DERA: variants seen among roughly 807,000 people sequenced by gnomAD.
DERA encodes the protein deoxyribose-phosphate aldolase, also known as 2-deoxy-D-ribose 5-phosphate aldolase.
DERA carries 15 observed loss-of-function variants against 41.1 expected under a neutral mutation model. That is an observed-to-expected ratio of 0.37 (90% CI 0.24 to 0.56). DERA has a LOEUF of 0.56. Among genes scored for constraint, DERA ranks in the 20% least tolerant of loss-of-function variants. The pLI, the probability that DERA is intolerant of heterozygous loss-of-function variation, is 0.81. For missense variants in DERA, 396 were observed against 403.4 expected, an observed-to-expected ratio of 0.98 and a Z score of 0.16; for synonymous variants, 139 against 137.4, an observed-to-expected ratio of 1.01 and a Z score of -0.08.
At chr12:15,955,007 A>C (rs561233000) in intron 1 of DERA, among the ~76,000 whole-genome samples, 21 of 152,164 alleles carry the variant, frequency 1.4e-4, no homozygotes, top group African/African-American at 5.1e-4. Context: ...GAAAAAAAAA[A>C]AGCCTCTTAG....
chr12:15,929,030 T>G (rs574942546), intron 1 of DERA, among the ~76,000 whole-genome samples: 1 of 152,288 alleles, frequency 6.6e-6, no homozygotes, highest in African/African-American at 2.4e-5. Flanking sequence ...CTCAGCCACG[T>G]GACTTCTTCC....
intron 1 of DERA, among the ~76,000 whole-genome samples, chr12:15,948,772 A>C (rs1393459696): frequency 2.6e-5 from 4 of 151,988 alleles, no homozygotes; most frequent in African/African-American, 9.7e-5. Flanking sequence ...GGGGAGAGGC[A>C]CTCTGATTTT....
intron 6 of DERA, among the ~76,000 whole-genome samples, chr12:16,002,872 C>A (rs1362632891): frequency 2.0e-5 from 3 of 152,288 alleles, no homozygotes; most frequent in African/African-American, 7.2e-5. Flanking sequence ...AAAATCTCCT[C>A]CCCTGCCCCA....
chr12:16,008,226 T>C lies in DERA; in HGVS notation c.638-24316T>C, dbSNP rs1356582371. On this transcript the variant is annotated intron_variant, in intron 6 of 8. Transcript: ENST00000428559. This position sits in a 1 kb window ranked among gnomAD's most constrained non-coding sequence, Gnocchi z 4.8. ...ATTGGTGTACAGATGCTTCATTCGC[T>C]AATGCCTCAGATGGTTGTTTCTCAA... Among the ~76,000 whole-genome samples, 1 of 152,258 alleles carries C rather than the reference T, an allele frequency of 6.6e-6. No homozygotes were observed. Among genetic ancestry groups the C allele is most frequent in the Non-Finnish European group, 1.5e-5 (1 of 68,032 alleles).
At chr12:15,961,669 C>T (rs1282976969) in intron 4 of DERA, among the ~76,000 whole-genome samples, 1 of 152,172 alleles carries the variant, frequency 6.6e-6, no homozygotes, top group Non-Finnish European at 1.5e-5. Context: ...TTTTCATCAG[C>T]CTCAGTCAGT....
intron 5 of DERA, among the ~76,000 whole-genome samples, chr12:15,969,153 C>T (rs1010667796): frequency 2.6e-5 from 4 of 152,168 alleles, no homozygotes; most frequent in African/African-American, 9.7e-5. Flanking sequence ...ACTCCTTAAA[C>T]AGTTCTTTGA....
rs74065540 is a variant in DERA, at chr12:15,995,379, G to A, written c.637+12943G>A. 0.023 allele frequency among the ~76,000 whole-genome samples: 3,548 copies of A among 152,260 alleles called. 168 individuals carry two copies. The highest frequency in any genetic ancestry group is 0.081 in the African/African-American group (3,382 of 41,534). On this transcript the variant is annotated intron_variant, in intron 6 of 8. Coordinates refer to ENST00000428559, the MANE Select transcript of DERA (RefSeq NM_015954.4). The surrounding 1 kb of genome is among the most constrained non-coding windows in gnomAD (Gnocchi z 5.1). ...CAGTAACTCCTTGTTGAAAAGAAAA[G>A]GTAGGGTGCCCAGAGCTAAAAGATC...
chr12:16,032,337 G>A (rs1949098145), intron 6 of DERA, among the ~76,000 whole-genome samples: 1 of 152,138 alleles, frequency 6.6e-6, no homozygotes, highest in African/African-American at 2.4e-5. Flanking sequence ...TATATTTGGT[G>A]CCTAATACAG....
At position 15,941,248 on chromosome 12, in the gene DERA, C is replaced by A. The variant is rs779365062; in HGVS notation, c.32-15688C>A. ...GGGTGTTGTGTGTTTGTGTCTCTTG[C>A]ATGATTGAGCTCAGGCCGGGGCTCA... On this transcript the variant is annotated intron_variant, in intron 1 of 8. Coordinates refer to ENST00000428559, the MANE Select transcript of DERA (RefSeq NM_015954.4). This position sits in a 1 kb window ranked among gnomAD's most constrained non-coding sequence, Gnocchi z 4.5. 3.3e-5 allele frequency among the ~76,000 whole-genome samples: 5 copies of A among 152,116 alleles called. No homozygotes were observed. The highest frequency in any genetic ancestry group is 7.4e-5 in the Non-Finnish European group (5 of 68,014).
chr12:15,960,507 AG>A (rs1350759420), intron 4 of DERA, among the ~76,000 whole-genome samples: 2 of 151,338 alleles, frequency 1.3e-5, no homozygotes, highest in Admixed American at 1.3e-4. Context: ...GCATGGTGGC[AG>A]GTGCCTGTAA....
chr12:15,950,933 T>C (rs1213034965), intron 1 of DERA, among the ~76,000 whole-genome samples: 1 of 152,252 alleles, frequency 6.6e-6, no homozygotes, highest in Non-Finnish European at 1.5e-5. Context: ...GTTGAATGAA[T>C]GAATGGTATT....
intron 6 of DERA, among the ~76,000 whole-genome samples, chr12:16,024,882 AT>A (rs1395497437): frequency 2.0e-5 from 3 of 152,334 alleles, no homozygotes; most frequent in Admixed American, 6.5e-5. Context: ...TTGAATTGTT[AT>A]ATTACCAGAT....
chr12:16,007,133 A>G (rs893965195), intron 6 of DERA, among the ~76,000 whole-genome samples: 14 of 148,538 alleles, frequency 9.4e-5, no homozygotes, highest in African/African-American at 2.7e-4. Flanking sequence ...AAACTTAGTT[A>G]TGTTCATTAT....
At chr12:15,960,636 C>CAAAAAAAAAAAAA (rs1163104277) in intron 4 of DERA, among the ~76,000 whole-genome samples, 3 of 28,718 alleles carry the variant, frequency 1.0e-4, no homozygotes, top group African/African-American at 3.8e-4. Flanking sequence ...GACTCCGTCT[C>CAAAAAAAAAAAAA]AAAAAAAAAA....
At position 16,021,422 on chromosome 12, in the gene DERA, A is replaced by G. The variant is rs774509441; in HGVS notation, c.638-11120A>G. Among the ~76,000 whole-genome samples, 4 of 152,210 alleles carry G rather than the reference A, an allele frequency of 2.6e-5. No homozygotes were observed. The highest frequency in any genetic ancestry group is 6.5e-5 in the Admixed American group (1 of 15,284). ...GAGTGAAGGGGGTCTGGCAGCTTCC[A>G]TGTAGATTTCAGAGGATGTGTCAGA... On this transcript the variant is annotated intron_variant, in intron 6 of 8. Coordinates refer to ENST00000428559, the MANE Select transcript of DERA (RefSeq NM_015954.4). The surrounding 1 kb of genome is among the most constrained non-coding windows in gnomAD (Gnocchi z 5.3).
chr12:15,962,742 C>T lies in DERA; in HGVS notation c.374-71C>T. 2.2e-6 allele frequency: 3 copies of T among 1,369,064 alleles called. No individual in the cohort carries two copies. The African/African-American group carries it at 4.4e-5, about 20-fold the overall frequency. 84.8% of individuals were successfully genotyped at this position (1,369,064 alleles called of 1,614,324 possible). On this transcript the variant is annotated intron_variant, in intron 4 of 8. Coordinates refer to ENST00000428559, the MANE Select transcript of DERA (RefSeq NM_015954.4). ...ACTGACCAATTGAAATTTGTTTTCC[C>T]CTCCCCCCCTTGCTTACTTTCTTTC...
rs1415752870 is a variant in DERA at position 15,928,050 on chromosome 12, A to G, written c.31+16636A>G. 6.6e-6 allele frequency among the ~76,000 whole-genome samples: 1 copy of G among 152,230 alleles called. No individual in the cohort carries two copies. The highest frequency in any genetic ancestry group is 2.4e-5 in the African/African-American group (1 of 41,456). ...AATAATTATCTATTTAGGGGATACA[A>G]TGTAATATTTTGATACATGTATACA... On this transcript the variant is annotated intron_variant, in intron 1 of 8. Transcript: ENST00000428559. This position sits in a 1 kb window ranked among gnomAD's most constrained non-coding sequence, Gnocchi z 4.6.
At chr12:16,007,575 A>G (rs535550543) in intron 6 of DERA, among the ~76,000 whole-genome samples, 1 of 152,360 alleles carries the variant, frequency 6.6e-6, no homozygotes, top group South Asian at 2.1e-4. Flanking sequence ...CACTTAGTAG[A>G]AAGTGGATAG....
rs1948757155 is a variant in DERA at position 15,985,343 on chromosome 12, A to G, written c.637+2907A>G. Reference sequence around the variant, plus strand: ...CCTAGAAGTATTTCACTGTGTAAGTATACTGAGTTGCTAAAATTGTTGGCA... The same window carrying G: ...CCTAGAAGTATTTCACTGTGTAAGTGTACTGAGTTGCTAAAATTGTTGGCA... On this transcript the variant is annotated intron_variant, in intron 6 of 8. Transcript: ENST00000428559. This position sits in a 1 kb window ranked among gnomAD's most constrained non-coding sequence, Gnocchi z 4.2. 6.6e-6 allele frequency: 1 copy of G among 152,242 alleles called. No homozygotes were observed. The highest frequency in any genetic ancestry group is 2.4e-5 in the African/African-American group (1 of 41,476). 9.4% of individuals were successfully genotyped at this position (152,242 alleles called of 1,614,324 possible). A position where few individuals can be genotyped will look rare whatever the true frequency, so the allele number is the denominator to read the frequency against.
Sources: gnomAD v4.1 joint callset for allele counts (sites outside exome capture counted in the v4.1 genomes callset) on GRCh38, gnomAD v4.1.1 for gene constraint, Gnocchi (gnomAD v3.1) non-coding constraint, MANE v1.5 for transcripts, NCBI Gene and HGNC (gene_info 2026-07-23, HGNC 2026-07-21) for gene names.